TNFRSF11A: variants seen among roughly 807,000 people sequenced by gnomAD.
TNFRSF11A encodes the protein TNF receptor superfamily member 11a.
Under a neutral mutation model 55.7 loss-of-function variants are expected in TNFRSF11A, and 32 were observed. That is an observed-to-expected ratio of 0.57 (90% CI 0.43 to 0.77). The LOEUF is 0.77. Among genes scored for constraint, TNFRSF11A ranks in the 30% least tolerant of loss-of-function variants. TNFRSF11A has a pLI of 0.00. For missense variants in TNFRSF11A, 753 were observed against 809.8 expected (o/e 0.93, Z 0.85); for synonymous variants, 311 against 331.0 (o/e 0.94, Z 0.65).
chr18:62,356,697 G>A (rs894731378), intron 4 of TNFRSF11A, among the ~76,000 whole-genome samples: 34 of 152,318 alleles, frequency 2.2e-4, no homozygotes, highest in African/African-American at 7.0e-4. Flanking sequence ...GAACTGTGCT[G>A]GGAGGCGCAG....
chr18:62,347,385 T>C (rs2046398680), intron 1 of TNFRSF11A, among the ~76,000 whole-genome samples: 1 of 152,186 alleles, frequency 6.6e-6, no homozygotes, highest in Non-Finnish European at 1.5e-5. Flanking sequence ...CTCTGGGTGA[T>C]TATAGATGCC....
chr18:62,372,461 G>GA (rs979044600), intron 9 of TNFRSF11A, among the ~76,000 whole-genome samples: 1 of 151,498 alleles, frequency 6.6e-6, no homozygotes, highest in Non-Finnish European at 1.5e-5. Flanking sequence ...CTGAGCTGGA[G>GA]AAAGTTGGGG....
chr18:62,359,094 G>A (rs1909480558), intron 5 of TNFRSF11A, among the ~76,000 whole-genome samples: 1 of 152,016 alleles, frequency 6.6e-6, no homozygotes, highest in South Asian at 2.1e-4. Flanking sequence ...CTTATTAAAT[G>A]TTTATTTTCT....
rs1911950109 is a variant in TNFRSF11A at position 62,390,347 on chromosome 18, G to A, written c.*5313G>A. 1 of 152,222 alleles carries A rather than the reference G, an allele frequency of 6.6e-6. No individual in the cohort carries two copies. Among genetic ancestry groups the A allele is most frequent in the Non-Finnish European group, 1.5e-5 (1 of 68,044 alleles). 9.4% of individuals were successfully genotyped at this position (152,222 alleles called of 1,614,324 possible). On this transcript the variant is annotated 3_prime_UTR_variant, in exon 10 of 10. Transcript: ENST00000586569. ...ACATTATACTGTCTTAAAAGACTAT[G>A]ATTAAAATGGGCATCAGTGTAGGCA...
chr18:62,335,129 A>ATTTTTTTTTTGTTTTTTTTT (rs2046211830), intron 1 of TNFRSF11A, among the ~76,000 whole-genome samples: 1 of 140,722 alleles, frequency 7.1e-6, no homozygotes, highest in Non-Finnish European at 1.5e-5. Flanking sequence ...TGGGGTCGGA[A>ATTTTTTTTTTGTTTTTTTTT]TTTTTTTTTT....
At position 62,385,306 on chromosome 18, in the gene TNFRSF11A, G is replaced by A; in HGVS notation, c.*272G>A. On this transcript the variant is annotated 3_prime_UTR_variant, in exon 10 of 10. Coordinates refer to ENST00000586569, the MANE Select transcript of TNFRSF11A (RefSeq NM_003839.4). ...CTCAAACTCGCAGCAGTAATTTGTG[G>A]CACTATGACAGCTATTTTTATGACT... is the stretch of plus-strand genomic sequence containing the variant. 2.8e-6 allele frequency: 1 copy of A among 363,374 alleles called. No individual in the cohort carries two copies. Among genetic ancestry groups the A allele is most frequent in the East Asian group, 4.9e-5 (1 of 20,464 alleles). 22.5% of individuals were successfully genotyped at this position (363,374 alleles called of 1,614,324 possible).
chr18:62,356,105 C>G (rs1600386703), intron 4 of TNFRSF11A, among the ~76,000 whole-genome samples: 1 of 152,338 alleles, frequency 6.6e-6, no homozygotes, highest in East Asian at 1.9e-4. Context: ...GCTTTCCTGA[C>G]TTCTAGGAAG....
chr18:62,347,581 T>TCCCCG (rs2046401993), intron 1 of TNFRSF11A, among the ~76,000 whole-genome samples: 2 of 152,140 alleles, frequency 1.3e-5, no homozygotes, highest in Non-Finnish European at 2.9e-5. Context: ...CACCTTGCTT[T>TCCCCG]CCCCGCTTTT....
intron 1 of TNFRSF11A, among the ~76,000 whole-genome samples, chr18:62,327,352 A>C (rs529881498): frequency 6.8e-4 from 104 of 152,322 alleles, no homozygotes; most frequent in South Asian, 3.9e-3. Flanking sequence ...AGTTCAAAAT[A>C]ATCAGCACAC....
chr18:62,340,536 T>A (rs2046297348), intron 1 of TNFRSF11A, among the ~76,000 whole-genome samples: 1 of 152,038 alleles, frequency 6.6e-6, no homozygotes, highest in South Asian at 2.1e-4. Context: ...GTGACAGTTA[T>A]AGTTTCTTCA....
Position 62,368,983 on chromosome 18 carries a change from C to A in TNFRSF11A, c.1066C>A (p.Pro356Thr). ...TGAATACATGGACAGGCCCTCCCAG[C>A]CCACAGACCAGTTACTGTTCCTCAC... ...EDEYMDRPSQ[P>T]TDQLLFLTEP... is the part of the protein sequence containing the mutation. Residue 356 changes from proline to threonine, a missense_variant, in exon 9 of 10, where the codon CCC becomes ACC. This residue lies in a region of TNFRSF11A where 567 missense variants were observed against 596.7 expected (regional missense o/e 0.95). Transcript: ENST00000586569. 1.2e-6 allele frequency: 2 copies of A among 1,614,244 alleles called. No individual in the cohort carries two copies. The highest frequency in any genetic ancestry group is 1.7e-6 in the Non-Finnish European group (2 of 1,180,046).
intron 1 of TNFRSF11A, among the ~76,000 whole-genome samples, chr18:62,344,242 C>T (rs1375607198): frequency 6.6e-6 from 1 of 152,146 alleles, no homozygotes; most frequent in Non-Finnish European, 1.5e-5. Context: ...GACTGTATTC[C>T]CTATTCAATA....
chr18:62,386,462 C>T lies in TNFRSF11A; in HGVS notation c.*1428C>T, dbSNP rs1311399191. The T allele has an allele frequency of 6.6e-6, 1 of 152,166 alleles. No homozygotes were observed. Among genetic ancestry groups the T allele is most frequent in the Non-Finnish European group, 1.5e-5 (1 of 68,038 alleles). The allele number at this position is 152,166 out of a possible 1,614,324, so 9.4% of individuals were successfully genotyped here. A position where few individuals can be genotyped will look rare whatever the true frequency, so the allele number is the denominator to read the frequency against. On this transcript the variant is annotated 3_prime_UTR_variant, in exon 10 of 10. Transcript: ENST00000586569. Reference sequence around the variant, plus strand: ...TATCCTAAAGGTGCCTTTCTCTTGGCATCATCCCGCTTGTGAGAAGCCTAG... The same window carrying T: ...TATCCTAAAGGTGCCTTTCTCTTGGTATCATCCCGCTTGTGAGAAGCCTAG...
In TNFRSF11A at chr18:62,384,951, G is replaced by T; in HGVS notation, c.1768G>T (p.Asp590Tyr). The change falls in exon 10 of 10, where the codon GAC becomes TAC. Residue 590 changes from aspartate (D) to tyrosine (Y), a missense_variant. Transcript: ENST00000586569. Reference protein sequence around the residue: ...SFAGNGPRFPDPCGGPEGLRE... With the variant: ...SFAGNGPRFPYPCGGPEGLRE... ...CGCGGGGAACGGCCCGCGCTTCCCG[G>T]ACCCGTGCGGCGGCCCCGAGGGGCT... 6.6e-7 allele frequency: 1 copy of T among 1,512,060 alleles called. No individual in the cohort carries two copies. 93.7% of individuals were successfully genotyped at this position (1,512,060 alleles called of 1,614,324 possible). A position where few individuals can be genotyped will look rare whatever the true frequency, so the allele number is the denominator to read the frequency against.
Position 62,325,347 on chromosome 18 carries a change from C to G in TNFRSF11A, c.-6C>G. 1 of 1,019,622 alleles carries G rather than the reference C, an allele frequency of 9.8e-7. No individual in the cohort carries two copies. 63.2% of individuals were successfully genotyped at this position (1,019,622 alleles called of 1,614,324 possible). A position where few individuals can be genotyped will look rare whatever the true frequency, so the allele number is the denominator to read the frequency against. On this transcript the variant is annotated 5_prime_UTR_variant, in exon 1 of 10. Coordinates refer to ENST00000586569, the MANE Select transcript of TNFRSF11A (RefSeq NM_003839.4). The surrounding 1 kb of genome is among the most constrained non-coding windows in gnomAD (Gnocchi z 4.7). ...GGCCGCGGCGCCCGCCAGCCTGTCC[C>G]GCGCCATGGCCCCGCGCGCCCGGCG...
In TNFRSF11A at chr18:62,360,638, G is replaced by C. The variant is rs538359647; in HGVS notation, c.616+589G>C. 2.6e-5 allele frequency among the ~76,000 whole-genome samples: 4 copies of C among 152,118 alleles called. No homozygotes were observed. In the East Asian group the frequency reaches 7.7e-4, roughly 29 times the overall value. The stretch of plus-strand genomic sequence containing the variant: ...GTTTTTGTGTTTTTAGTAGAGACAG[G>C]GTTTCACCGTGTTGGCCAGGCTGGT... On this transcript the variant is annotated intron_variant, in intron 6 of 9. Transcript: ENST00000586569.
At chr18:62,343,702 CAA>C (rs2046345019) in intron 1 of TNFRSF11A, among the ~76,000 whole-genome samples, 1 of 152,112 alleles carries the variant, frequency 6.6e-6, no homozygotes, top group Non-Finnish European at 1.5e-5. Flanking sequence ...TGCCCTGAAA[CAA>C]ATGCGTAGAA....
chr18:62,334,569 T>C (rs2046202571), intron 1 of TNFRSF11A, among the ~76,000 whole-genome samples: 1 of 152,200 alleles, frequency 6.6e-6, no homozygotes, highest in Admixed American at 6.5e-5. Context: ...AAGTAGGTAG[T>C]TATATTTTTA....
At chr18:62,339,274 C>T (rs754126315) in intron 1 of TNFRSF11A, among the ~76,000 whole-genome samples, 7 of 152,156 alleles carry the variant, frequency 4.6e-5, no homozygotes, top group Admixed American at 2.6e-4. Context: ...TGCACCTGCC[C>T]GAGTCTCCCA....
Sources: allele counts gnomAD v4.1 joint callset (sites outside exome capture counted in the v4.1 genomes callset), GRCh38; gene constraint gnomAD v4.1.1; regional missense constraint gnomAD v4.1.1; non-coding constraint Gnocchi (gnomAD v3.1); transcripts MANE v1.5; gene names NCBI Gene and HGNC (gene_info 2026-07-23, HGNC 2026-07-21).